The following LIN37 variants were observed in gnomAD, a reference collection of about 807,000 sequenced individuals.
LIN37 encodes protein lin-37 homolog.
LIN37 carries 21 observed loss-of-function variants against 38.0 expected under a neutral mutation model. That is an observed-to-expected ratio of 0.55 (90% CI 0.39 to 0.80). The LOEUF (loss-of-function observed/expected upper bound fraction) is 0.80, where lower values mean the gene tolerates loss of function less well. Ranked by LOEUF, LIN37 falls within the 30% of genes least tolerant of loss-of-function variation. The pLI is 0.00. For missense variants in LIN37, 273 were observed against 338.5 expected (o/e 0.81, Z 1.52); for synonymous variants, 126 against 122.9 (o/e 1.03, Z -0.17).
Position 35,749,085 on chromosome 19 carries a change from G to T in LIN37, c.34+327G>T, listed in dbSNP as rs1970644512. ...TTTAAAATATTTAAATAGAGACGGA[G>T]TATCGCTATATTGCCCAGGCTGGTC... On this transcript the variant is annotated intron_variant, in intron 1 of 8. Transcript: ENST00000301159. 3 of 808,258 alleles carry T rather than the reference G, an allele frequency of 3.7e-6. No homozygotes were observed. In the South Asian group the frequency reaches 8.6e-5, roughly 23 times the overall value. The allele number at this position is 808,258 out of a possible 1,614,324, so 50.1% of individuals were successfully genotyped here. A position where few individuals can be genotyped will look rare whatever the true frequency, so the allele number is the denominator to read the frequency against.
At position 35,754,451 on chromosome 19, in the gene LIN37, C is replaced by A. The variant is rs779939203; in HGVS notation, c.718C>A (p.Arg240=). 8.1e-6 allele frequency: 13 copies of A among 1,613,904 alleles called. No individual in the cohort carries two copies. The East Asian group carries it at 2.4e-4, about 30-fold the overall frequency. Residue 240 remains arginine (R), a synonymous_variant, in exon 9 of 9, where the codon CGA becomes AGA. Transcript: ENST00000301159. ...LRYSESMKIL[R]EMYERQ ...TTACTCAGAAAGCATGAAGATCCTA[C>A]GAGAGATGTACGAACGACAGTGATG... is the stretch of plus-strand genomic sequence containing the variant.
At chr19:35,752,569 C>G (rs761191180) in intron 3 of LIN37, 85 bp downstream of exon 3, 686 of 1,443,348 alleles carry the variant, frequency 4.8e-4, no homozygotes, top group Middle Eastern at 6.9e-4. Context: ...CTCAGCCCAG[C>G]GCTACCTCCA....
Position 35,748,642 on chromosome 19 carries a change from C to A in LIN37, c.-83C>A, listed in dbSNP as rs1288880738. The A allele has an allele frequency of 6.9e-6, 11 of 1,590,712 alleles. No homozygotes were observed. Among genetic ancestry groups the A allele is most frequent in the Non-Finnish European group, 9.5e-6 (11 of 1,159,100 alleles). On this transcript the variant is annotated 5_prime_UTR_variant, in exon 1 of 9. Transcript: ENST00000301159. ...CCCACGAAGCTCATCTTTGAACTGT[C>A]CCCGCCTTCTCCCGCCTTGACTTGT...
Position 35,748,939 on chromosome 19 carries a change from A to G in LIN37, c.34+181A>G. On this transcript the variant is annotated intron_variant, in intron 1 of 8. Transcript: ENST00000301159. Reference sequence around the variant, plus strand: ...TTCACACCCTCCCGGTGTGCGCTTGAAGTCGCTTTGAGATTGAATGGGGTG... The same window carrying G: ...TTCACACCCTCCCGGTGTGCGCTTGGAGTCGCTTTGAGATTGAATGGGGTG... 4 of 1,486,654 alleles carry G rather than the reference A, an allele frequency of 2.7e-6. No individual in the cohort carries two copies. The South Asian group carries it at 5.2e-5, about 19-fold the overall frequency. The allele number at this position is 1,486,654 out of a possible 1,614,324, so 92.1% of individuals were successfully genotyped here. A position where few individuals can be genotyped will look rare whatever the true frequency, so the allele number is the denominator to read the frequency against.
At chr19:35,754,354 G>A in intron 8 of LIN37, 35 bp downstream of exon 8, 1 of 1,614,002 alleles carries the variant, frequency 6.2e-7, no homozygotes, top group Non-Finnish European at 8.5e-7. Context: ...CCCTCGTAGG[G>A]CCCTTTGCAA....
At chr19:35,753,828 C>T in intron 6 of LIN37, 189 bp from the exon 7 acceptor site, 1 of 627,282 alleles carries the variant, frequency 1.6e-6, no homozygotes, top group South Asian at 1.9e-5. Flanking sequence ...AGACAGGGGT[C>T]CCTGGGGCAG....
chr19:35,753,898 G>A, intron 6 of LIN37, 119 bp from the exon 7 acceptor site: 2 of 1,175,442 alleles, frequency 1.7e-6, no homozygotes, highest in Non-Finnish European at 2.4e-6. Context: ...TCCTGTCTGA[G>A]TCCCTTAGCG....
At chr19:35,751,982 G>A (rs1377651590) in intron 1 of LIN37, 194 bp from the exon 2 acceptor site, 8 of 538,252 alleles carry the variant, frequency 1.5e-5, no homozygotes, top group Middle Eastern at 5.0e-4. Flanking sequence ...GAGCAATCAC[G>A]TGGGACAGCT....
chr19:35,749,075 T>C, intron 1 of LIN37: 1 of 889,728 alleles, frequency 1.1e-6, no homozygotes, highest in Non-Finnish European at 1.4e-6. Flanking sequence ...AATATTTAAA[T>C]AGAGACGGAG....
At chr19:35,748,974 A>G (rs993704780) in intron 1 of LIN37, 50 of 1,421,134 alleles carry the variant, frequency 3.5e-5, no homozygotes, top group Middle Eastern at 2.6e-4. Flanking sequence ...GGCTCGGGCA[A>G]TGACGTGCGT....
chr19:35,748,920 C>A, intron 1 of LIN37, 162 bp downstream of exon 1: 3 of 1,539,834 alleles, frequency 1.9e-6, no homozygotes, highest in African/African-American at 1.4e-5. Context: ...CACCTTCACA[C>A]CCTCCCGGTG....
Position 35,754,177 on chromosome 19 carries a change from C to G in LIN37, c.585+20C>G. 1 of 1,613,966 alleles carries G rather than the reference C, an allele frequency of 6.2e-7. No homozygotes were observed. The highest frequency in any genetic ancestry group is 8.5e-7 in the Non-Finnish European group (1 of 1,179,856). ...GATGAGGTGAGTATGCCAGGCTGGC[C>G]CAGGGTTATGGGGCACATGCGGTAG... On this transcript the variant is annotated intron_variant, in intron 7 of 8. Transcript: ENST00000301159.
chr19:35,753,401 A>C (rs1970708774), intron 6 of LIN37, 148 bp downstream of exon 6: 2 of 958,494 alleles, frequency 2.1e-6, no homozygotes, highest in East Asian at 5.3e-5. Flanking sequence ...ACAGATGTGC[A>C]CTCTTAGGTT....
Position 35,748,628 on chromosome 19 carries a change from C to A in LIN37, c.-97C>A. ...CGGAGGACCCGTGGCCCACGAAGCT[C>A]ATCTTTGAACTGTCCCCGCCTTCTC... On this transcript the variant is annotated 5_prime_UTR_variant, in exon 1 of 9. Transcript: ENST00000301159. The A allele has an allele frequency of 6.5e-7, 1 of 1,550,336 alleles. No homozygotes were observed. The highest frequency in any genetic ancestry group is 1.1e-5 in the South Asian group (1 of 89,706).
At chr19:35,749,505 A>G (rs542074961) in intron 1 of LIN37, among the ~76,000 whole-genome samples, 1 of 152,102 alleles carries the variant, frequency 6.6e-6, no homozygotes, top group African/African-American at 2.4e-5. Flanking sequence ...ATTAAAACAA[A>G]GTGGGAGGCT....
At chr19:35,753,729 G>A (rs1201564966) in intron 6 of LIN37, 4 of 549,062 alleles carry the variant, frequency 7.3e-6, no homozygotes, top group African/African-American at 1.9e-5. Flanking sequence ...TGGCACAGAC[G>A]TGACCCCCTA....
chr19:35,752,397 C>T, intron 2 of LIN37, 37 bp from the exon 3 acceptor site: 1 of 1,613,064 alleles, frequency 6.2e-7, no homozygotes, highest in Non-Finnish European at 8.5e-7. Flanking sequence ...CTCTGGGGCC[C>T]TGGAACCCTG....
At position 35,752,054 on chromosome 19, in the gene LIN37, G is replaced by C. The variant is rs905023179; in HGVS notation, c.35-122G>C. On this transcript the variant is annotated intron_variant, in intron 1 of 8. Transcript: ENST00000301159. ...TCTGCCTGTTGCACCCTTTCAGGCT[G>C]CCTGGGCCTGGCTCTGAGATTGGCC... The C allele has an allele frequency of 5.7e-6, 4 of 705,834 alleles. No individual in the cohort carries two copies. The African/African-American group carries it at 7.0e-5, about 12-fold the overall frequency. 43.7% of individuals were successfully genotyped at this position (705,834 alleles called of 1,614,324 possible).
intron 6 of LIN37, chr19:35,753,567 T>A (rs1970710647): frequency 1.9e-6 from 1 of 525,780 alleles, no homozygotes; most frequent in East Asian, 3.4e-5. Flanking sequence ...CAGACAGAAG[T>A]GGCCACCAGG....
Sources: gnomAD v4.1 joint callset for allele counts (sites outside exome capture counted in the v4.1 genomes callset) on GRCh38, gnomAD v4.1.1 for gene constraint, MANE v1.5 for transcripts, NCBI Gene and HGNC (gene_info 2026-07-23, HGNC 2026-07-21) for gene names.